LGALS4: variants seen among roughly 807,000 people sequenced by gnomAD.
LGALS4 encodes the protein galectin-4.
In LGALS4, 37 loss-of-function variants were observed where a neutral mutation model predicts 39.6. The ratio of observed to expected loss-of-function variants is 0.93; its 90% CI spans 0.72 to 1.23. LGALS4 has a LOEUF of 1.23. Among genes scored for constraint, LGALS4 ranks in the 50% most tolerant of loss-of-function variants. The pLI is 0.00. For synonymous variants in LGALS4, 160 were observed against 165.5 expected, an observed-to-expected ratio of 0.97 and a Z score of 0.25; for missense variants, 397 against 433.2, an observed-to-expected ratio of 0.92 and a Z score of 0.74.
chr19:38,809,681 G>T (rs1268536942), intron 2 of LGALS4, among the ~76,000 whole-genome samples: 1 of 127,352 alleles, frequency 7.9e-6, no homozygotes, highest in Non-Finnish European at 1.6e-5. Flanking sequence ...GTAGAGATGG[G>T]GTCTCACTAT....
intron 3 of LGALS4, 100 bp downstream of exon 3, chr19:38,808,639 AAAAAG>A (rs1971451992): frequency 7.6e-6 from 7 of 919,336 alleles, no homozygotes; most frequent in South Asian, 1.7e-5. Flanking sequence ...AAAAAAAAAA[AAAAAG>A]AAAGAAAGAA....
At position 38,812,900 on chromosome 19, in the gene LGALS4, G is replaced by T. The variant is rs202118482; in HGVS notation, c.-14C>A. The T allele has an allele frequency of 1.4e-4, 219 of 1,610,834 alleles. No individual in the cohort carries two copies. The highest frequency in any genetic ancestry group is 3.4e-4 in the Middle Eastern group (2 of 5,876). On this transcript the variant is annotated 5_prime_UTR_variant, in exon 1 of 10. Coordinates refer to ENST00000307751, the MANE Select transcript of LGALS4 (RefSeq NM_006149.4). ...GACATAGGCCATCGCTCGAGGCTGC[G>T]CTAGTGGCTGGTCCTGTGAGAAGAG...
rs766492779 is a variant in LGALS4, at chr19:38,808,981, G to A, written c.135-33C>T. 5.8e-6 allele frequency: 9 copies of A among 1,550,000 alleles called. 1 individual carries two copies. In the South Asian group the frequency reaches 9.4e-5, roughly 16 times the overall value. ...GACACAAAGGGCTCATTCCCCTGGT[G>A]CCACCTCCCGGGGCCTGGGGGCCTC... On this transcript the variant is annotated intron_variant, in intron 2 of 9. Transcript: ENST00000307751.
In LGALS4 at chr19:38,812,430, C is replaced by A. The variant is rs780908648; in HGVS notation, c.134+1G>T. Reference sequence around the variant, plus strand: ...CCGGCCTGGCTTGGGGAGGGTCTTACCGCTTCATGTGCTCGCTGGCCACTC... The same window carrying A: ...CCGGCCTGGCTTGGGGAGGGTCTTAACGCTTCATGTGCTCGCTGGCCACTC... On this transcript the variant is annotated splice_donor_variant, in intron 2 of 9. Transcript: ENST00000307751. LOFTEE classifies it high-confidence loss of function. 1 of 1,613,830 alleles carries A rather than the reference C, an allele frequency of 6.2e-7. No homozygotes were observed. The highest frequency in any genetic ancestry group is 1.1e-5 in the South Asian group (1 of 91,050).
At chr19:38,812,336 G>C in intron 2 of LGALS4, 95 bp downstream of exon 2, 1 of 1,030,650 alleles carries the variant, frequency 9.7e-7, no homozygotes, top group Non-Finnish European at 1.5e-6. Context: ...CTCTCCACCA[G>C]GGTGGGGTAA....
At chr19:38,809,987 G>A (rs1277948397) in intron 2 of LGALS4, among the ~76,000 whole-genome samples, 1 of 152,076 alleles carries the variant, frequency 6.6e-6, no homozygotes. Flanking sequence ...GCACCCCTGG[G>A]CACACCAGCA....
At position 38,802,177 on chromosome 19, in the gene LGALS4, G is replaced by C; in HGVS notation, c.660-20C>G. On this transcript the variant is annotated intron_variant, in intron 8 of 9. Transcript: ENST00000307751. ...GCAAAGCTGGGGACAGAGAGGGATG[G>C]GGGAGTCAGATGGAGTCCAGTGGGA... 1 of 1,612,064 alleles carries C rather than the reference G, an allele frequency of 6.2e-7. No homozygotes were observed. Among genetic ancestry groups the C allele is most frequent in the Non-Finnish European group, 8.5e-7 (1 of 1,178,412 alleles).
At position 38,806,631 on chromosome 19, in the gene LGALS4, C is replaced by T. The variant is rs762413966; in HGVS notation, c.340-36G>A. The stretch of plus-strand genomic sequence containing the variant: ...GAGATGGGAGGTCAGGAGTCAGCAC[C>T]CATGATCCTGGGAAGGTACAAACAG... On this transcript the variant is annotated intron_variant, in intron 3 of 9. Coordinates refer to ENST00000307751, the MANE Select transcript of LGALS4 (RefSeq NM_006149.4). 3 of 1,609,732 alleles carry T rather than the reference C, an allele frequency of 1.9e-6. No homozygotes were observed. In the Admixed American group the frequency reaches 5.0e-5, roughly 27 times the overall value.
At chr19:38,809,504 G>A (rs1441629083) in intron 2 of LGALS4, among the ~76,000 whole-genome samples, 2 of 151,100 alleles carry the variant, frequency 1.3e-5, no homozygotes, top group African/African-American at 4.9e-5. Flanking sequence ...ACAGGGTCTT[G>A]TGTTCTCACC....
At position 38,810,697 on chromosome 19, in the gene LGALS4, G is replaced by A. The variant is rs147432903; in HGVS notation, c.134+1734C>T. ...TTGCCATTTTGGCCAGGCTAGTCTC[G>A]AGCTCCTGACCTCAGGTGATCTGCC... On this transcript the variant is annotated intron_variant, in intron 2 of 9. Transcript: ENST00000307751. Among the ~76,000 whole-genome samples, 27 of 151,452 alleles carry A rather than the reference G, an allele frequency of 1.8e-4. No homozygotes were observed. The East Asian group carries it at 4.7e-3, about 27-fold the overall frequency.
At chr19:38,802,219 G>C in intron 8 of LGALS4, 62 bp from the exon 9 acceptor site, 1 of 1,600,984 alleles carries the variant, frequency 6.2e-7, no homozygotes, top group Non-Finnish European at 8.6e-7. Context: ...CAGTGGGCTG[G>C]ACCTCTGAAT....
intron 7 of LGALS4, chr19:38,802,889 G>T (rs1210233560): frequency 1.8e-5 from 3 of 165,240 alleles, no homozygotes; most frequent in Middle Eastern, 3.0e-3. Flanking sequence ...TGTTGACCAG[G>T]CTGATCTGGA....
At chr19:38,804,842 AAAAC>A (rs148680928) in intron 4 of LGALS4, among the ~76,000 whole-genome samples, 21 of 151,930 alleles carry the variant, frequency 1.4e-4, no homozygotes, top group African/African-American at 1.9e-4. Flanking sequence ...CAAAAAACAA[AAAAC>A]AAACAAACAA....
chr19:38,804,621 G>A (rs372765945), intron 4 of LGALS4, among the ~76,000 whole-genome samples: 2 of 151,956 alleles, frequency 1.3e-5, no homozygotes, highest in African/African-American at 4.8e-5. Flanking sequence ...ACTCCATTCT[G>A]CCTTGACTTC....
rs1284182674 is a variant in LGALS4 at position 38,812,897 on chromosome 19, T to C, written c.-11A>G. On this transcript the variant is annotated 5_prime_UTR_variant, in exon 1 of 10. Transcript: ENST00000307751. ...GGGGACATAGGCCATCGCTCGAGGC[T>C]GCGCTAGTGGCTGGTCCTGTGAGAA... 1 of 1,611,390 alleles carries C rather than the reference T, an allele frequency of 6.2e-7. No homozygotes were observed. The highest frequency in any genetic ancestry group is 8.5e-7 in the Non-Finnish European group (1 of 1,179,860).
At chr19:38,810,703 C>G (rs1971483250) in intron 2 of LGALS4, among the ~76,000 whole-genome samples, 1 of 151,840 alleles carries the variant, frequency 6.6e-6, no homozygotes, top group Admixed American at 6.6e-5. Flanking sequence ...TCTCGAGCTC[C>G]TGACCTCAGG....
At chr19:38,806,717 G>C (rs867510271) in intron 3 of LGALS4, 122 bp from the exon 4 acceptor site, 4 of 964,428 alleles carry the variant, frequency 4.1e-6, no homozygotes, top group Admixed American at 4.9e-5. Flanking sequence ...GAGGCTGAGG[G>C]GGGTGGATCA....
rs776719081 is a variant in LGALS4 at position 38,802,082 on chromosome 19, G to A, written c.735C>T (p.Thr245=). ...CATTCAGAAGGCTGTTCCGGACCAC[G>A]GTACCGTTGCCCATGCGGGGATTAA... ...LHINPRMGNG[T]VVRNSLLNGS... Residue 245 remains threonine, a synonymous_variant, in exon 9 of 10, where the codon ACC becomes ACT. Transcript: ENST00000307751. The A allele has an allele frequency of 1.4e-5, 23 of 1,614,094 alleles. No individual in the cohort carries two copies. Among genetic ancestry groups the A allele is most frequent in the Non-Finnish European group, 1.7e-5 (20 of 1,180,042 alleles).
intron 4 of LGALS4, among the ~76,000 whole-genome samples, chr19:38,804,227 C>T (rs913936995): frequency 3.3e-5 from 5 of 152,146 alleles, no homozygotes; most frequent in Non-Finnish European, 7.4e-5. Context: ...GTGTCTCTGC[C>T]TCTCTCTCTG....
Sources: allele counts gnomAD v4.1 joint callset (sites outside exome capture counted in the v4.1 genomes callset), GRCh38; gene constraint gnomAD v4.1.1; transcripts MANE v1.5; gene names NCBI Gene and HGNC (gene_info 2026-07-23, HGNC 2026-07-21).